CAMTA1: variants seen among roughly 807,000 people sequenced by gnomAD.
The protein encoded by CAMTA1 is calmodulin-binding transcription activator 1.
A neutral mutation model predicts 170.9 loss-of-function variants in CAMTA1; 27 were observed. That is an observed-to-expected ratio of 0.16 (90% CI 0.12 to 0.22). CAMTA1 has a LOEUF of 0.22. Among genes scored for constraint, CAMTA1 ranks in the 10% least tolerant of loss-of-function variants. The pLI, the probability that CAMTA1 is intolerant of heterozygous loss-of-function variation, is 1.00. For synonymous variants in CAMTA1, 833 were observed against 891.5 expected (o/e 0.93, Z 1.17); for missense variants, 1,619 against 2,217.2 (o/e 0.73, Z 5.42).
chr1:7,595,215 T>G (rs1425436857), intron 6 of CAMTA1, among the ~76,000 whole-genome samples: 1 of 152,196 alleles, frequency 6.6e-6, no homozygotes, highest in Non-Finnish European at 1.5e-5. Flanking sequence ...AAAGAGCGCC[T>G]GTGTCTCAGA....
At chr1:7,755,734 G>C in intron 22 of CAMTA1, 66 bp downstream of exon 22, 1 of 1,382,304 alleles carries the variant, frequency 7.2e-7, no homozygotes, top group Non-Finnish European at 1.0e-6. Context: ...CTTTTTGCTT[G>C]CTTGCATGAG....
intron 4 of CAMTA1, among the ~76,000 whole-genome samples, chr1:7,174,808 G>A (rs977877278): frequency 6.6e-6 from 1 of 152,228 alleles, no homozygotes; most frequent in South Asian, 2.1e-4. Flanking sequence ...GGTGCCCCAC[G>A]GCCCAGGCGA....
intron 3 of CAMTA1, among the ~76,000 whole-genome samples, chr1:7,066,190 C>T (rs116076792): frequency 7.9e-4 from 121 of 152,360 alleles, no homozygotes; most frequent in African/African-American, 2.8e-3. Context: ...CAAATCGTCT[C>T]CTTTCTAGTG....
At chr1:7,373,229 G>A (rs1420281258) in intron 5 of CAMTA1, among the ~76,000 whole-genome samples, 4 of 152,294 alleles carry the variant, frequency 2.6e-5, no homozygotes, top group Non-Finnish European at 5.9e-5. Context: ...TTTCTACCCA[G>A]TAGTACCCCG....
intron 3 of CAMTA1, among the ~76,000 whole-genome samples, chr1:7,021,281 G>A (rs1158984524): frequency 4.6e-5 from 7 of 152,342 alleles, no homozygotes; most frequent in East Asian, 1.9e-4. Flanking sequence ...AGGAAGGTGC[G>A]GGGTCTCTGC....
intron 5 of CAMTA1, among the ~76,000 whole-genome samples, chr1:7,257,232 G>C (rs145819599): frequency 1.3e-5 from 2 of 152,076 alleles, no homozygotes; most frequent in Admixed American, 6.5e-5. Context: ...AGTCCTGTGC[G>C]CATCATCTTA....
chr1:7,118,318 G>T (rs966534890), intron 4 of CAMTA1, among the ~76,000 whole-genome samples: 1 of 145,924 alleles, frequency 6.9e-6, no homozygotes, highest in Non-Finnish European at 1.5e-5. Context: ...TTTGAGACAG[G>T]GTCTTGCTCT....
chr1:7,312,391 C>T (rs1298854023), intron 5 of CAMTA1, among the ~76,000 whole-genome samples: 1 of 34,536 alleles, frequency 2.9e-5, no homozygotes, highest in Non-Finnish European at 4.8e-5. Flanking sequence ...GCAACCAGAG[C>T]TTACCGTGGC....
At chr1:7,709,654 C>G (rs540621582) in intron 11 of CAMTA1, among the ~76,000 whole-genome samples, 1 of 152,204 alleles carries the variant, frequency 6.6e-6, no homozygotes, top group Non-Finnish European at 1.5e-5. Flanking sequence ...CAGAAGCCCA[C>G]TGTCTAGGGA....
At chr1:6,820,066 C>T in intron 1 of CAMTA1, 115 bp from the exon 2 acceptor site, 1 of 690,230 alleles carries the variant, frequency 1.4e-6, no homozygotes, top group Non-Finnish European at 2.6e-6. Flanking sequence ...TTGGATTTGT[C>T]TGATGTTTCC....
intron 4 of CAMTA1, among the ~76,000 whole-genome samples, chr1:7,196,113 C>T (rs567084468): frequency 1.2e-4 from 19 of 152,258 alleles, no homozygotes; most frequent in African/African-American, 4.6e-4. Context: ...GATTGAATCA[C>T]GGGTCAGGTT....
intron 11 of CAMTA1, among the ~76,000 whole-genome samples, chr1:7,712,069 A>C (rs181949551): frequency 6.6e-6 from 1 of 152,368 alleles, no homozygotes; most frequent in Admixed American, 6.5e-5. Flanking sequence ...ATAACATACA[A>C]GTATGTATTG....
intron 5 of CAMTA1, among the ~76,000 whole-genome samples, chr1:7,414,241 A>C (rs371803748): frequency 6.6e-6 from 1 of 152,152 alleles, no homozygotes; most frequent in Non-Finnish European, 1.5e-5. Context: ...TATCTCTGCC[A>C]GGCTTTGGTA....
At chr1:6,907,079 C>A (rs1678670528) in intron 3 of CAMTA1, among the ~76,000 whole-genome samples, 1 of 152,158 alleles carries the variant, frequency 6.6e-6, no homozygotes, top group South Asian at 2.1e-4. Context: ...CATTTAAGAT[C>A]TCAGTATTTA....
intron 6 of CAMTA1, among the ~76,000 whole-genome samples, chr1:7,538,852 C>T (rs1182852549): frequency 2.0e-5 from 3 of 152,170 alleles, no homozygotes; most frequent in African/African-American, 4.8e-5. Flanking sequence ...GTGAACCCAC[C>T]TTTCTACTTT....
At chr1:7,741,146 C>T (rs2096810078) in intron 16 of CAMTA1, among the ~76,000 whole-genome samples, 1 of 152,020 alleles carries the variant, frequency 6.6e-6, no homozygotes, top group African/African-American at 2.4e-5. Context: ...TTTAACAAAA[C>T]CAGGGAGTGT....
chr1:7,265,801 C>T (rs185263219), intron 5 of CAMTA1, among the ~76,000 whole-genome samples: 1 of 152,310 alleles, frequency 6.6e-6, no homozygotes, highest in African/African-American at 2.4e-5. Flanking sequence ...CCTAGACTAA[C>T]AGAGAGGCTG....
chr1:6,951,614 CAGG>C (rs924907619), intron 3 of CAMTA1, among the ~76,000 whole-genome samples: 3 of 152,222 alleles, frequency 2.0e-5, no homozygotes, highest in Admixed American at 2.0e-4. Context: ...CACAGACACT[CAGG>C]AGACCCCAGT....
chr1:6,892,950 A>G (rs1473883997), intron 3 of CAMTA1, among the ~76,000 whole-genome samples: 1 of 152,014 alleles, frequency 6.6e-6, no homozygotes, highest in Non-Finnish European at 1.5e-5. Flanking sequence ...TATCTTCAGA[A>G]ATAAAGAAAC....
Sources: allele counts gnomAD v4.1 joint callset (sites outside exome capture counted in the v4.1 genomes callset), GRCh38; gene constraint gnomAD v4.1.1; transcripts MANE v1.5; gene names NCBI Gene and HGNC (gene_info 2026-07-23, HGNC 2026-07-21).